The following DOCK3 variants were observed in gnomAD, a reference collection of about 807,000 sequenced individuals.
DOCK3 encodes the protein dedicator of cytokinesis 3.
A neutral mutation model predicts 265.6 loss-of-function variants in DOCK3; 60 were observed. The ratio of observed to expected loss-of-function variants is 0.23; its 90% confidence interval spans 0.18 to 0.28. DOCK3 has a LOEUF of 0.28. DOCK3 is among the 10% of genes least tolerant of loss of function. The pLI, the probability that DOCK3 is intolerant of heterozygous loss-of-function variation, is 1.00. For missense variants in DOCK3, 1,981 were observed against 2,594.3 expected (o/e 0.76, Z 5.14); for synonymous variants, 881 against 938.0 (o/e 0.94, Z 1.11).
intron 5 of DOCK3, among the ~76,000 whole-genome samples, chr3:50,978,688 T>G (rs1358977469): frequency 6.6e-6 from 1 of 152,170 alleles, no homozygotes; most frequent in Admixed American, 6.5e-5. Flanking sequence ...TGGAGCTTCT[T>G]GGCTGCTTTG....
At chr3:50,775,065 T>A (rs886691039) in intron 1 of DOCK3, among the ~76,000 whole-genome samples, 7 of 152,088 alleles carry the variant, frequency 4.6e-5, no homozygotes, top group East Asian at 3.8e-4. Context: ...TGTATTTTTT[T>A]AAAAAATGTT....
rs146694620 is a variant in DOCK3 at position 50,698,381 on chromosome 3, A to G, written c.37+23081A>G. Among the ~76,000 whole-genome samples, 851 of 152,138 alleles carry G rather than the reference A, an allele frequency of 5.6e-3. 9 individuals are homozygous for G. Among genetic ancestry groups the G allele is most frequent in the African/African-American group, 0.018 (744 of 41,506 alleles). On this transcript the variant is annotated intron_variant, in intron 1 of 52. Coordinates refer to ENST00000266037, the MANE Select transcript of DOCK3 (RefSeq NM_004947.5). ...CCTTTTTATGGCTGAATAATATTCT[A>G]TTATATGGATATACTATATTTGTCC...
At chr3:51,250,001 G>A (rs2079113250) in intron 22 of DOCK3, among the ~76,000 whole-genome samples, 1 of 151,914 alleles carries the variant, frequency 6.6e-6, no homozygotes, top group Admixed American at 6.6e-5. Flanking sequence ...TCTGAAACGT[G>A]CTGTGTCCAC....
At chr3:51,021,266 C>A (rs1282841305) in intron 5 of DOCK3, among the ~76,000 whole-genome samples, 1 of 149,890 alleles carries the variant, frequency 6.7e-6, no homozygotes, top group East Asian at 1.9e-4. Flanking sequence ...AGAAGATCAA[C>A]CCCAAGACAC....
chr3:50,717,867 C>T (rs192642329), intron 1 of DOCK3, among the ~76,000 whole-genome samples: 15 of 152,262 alleles, frequency 9.9e-5, no homozygotes, highest in Non-Finnish European at 1.5e-4. Flanking sequence ...TCAAGTGATC[C>T]GCCCACTTCA....
chr3:51,221,648 A>C (rs995543), intron 14 of DOCK3, among the ~76,000 whole-genome samples: 125,122 of 152,128 alleles, frequency 0.82, 52,054 homozygotes, highest in Middle Eastern at 0.9. Flanking sequence ...CTTATAAAAA[A>C]AAACTCAAAT....
intron 1 of DOCK3, among the ~76,000 whole-genome samples, chr3:50,773,612 A>G (rs1349604556): frequency 6.6e-6 from 1 of 152,104 alleles, no homozygotes; most frequent in Non-Finnish European, 1.5e-5. Flanking sequence ...TTAACGAGTA[A>G]AAGAACTGCT....
intron 5 of DOCK3, among the ~76,000 whole-genome samples, chr3:51,003,134 G>A (rs922892375): frequency 6.6e-6 from 1 of 152,174 alleles, no homozygotes; most frequent in African/African-American, 2.4e-5. Flanking sequence ...TCTTTTCAGT[G>A]CTTTGCATTT....
intron 9 of DOCK3, among the ~76,000 whole-genome samples, chr3:51,110,084 A>G (rs553734249): frequency 6.6e-6 from 1 of 152,328 alleles, no homozygotes; most frequent in South Asian, 2.1e-4. Context: ...ATTCCTGGGT[A>G]CATACACCCT....
chr3:51,126,729 AG>A (rs1396105991), intron 9 of DOCK3, among the ~76,000 whole-genome samples: 1 of 152,156 alleles, frequency 6.6e-6, no homozygotes, highest in Non-Finnish European at 1.5e-5. Context: ...CACCACATTA[AG>A]CTACCATTTA....
chr3:50,801,067 C>T (rs566702410), intron 2 of DOCK3, among the ~76,000 whole-genome samples: 9 of 152,114 alleles, frequency 5.9e-5, no homozygotes, highest in South Asian at 2.1e-4. Flanking sequence ...GTTTCAGTGT[C>T]GTAAAAGAAA....
rs571597594 is a variant in DOCK3, at chr3:51,006,671, C to T, written c.316-57777C>T. On this transcript the variant is annotated intron_variant, in intron 5 of 52. Transcript: ENST00000266037. ...TAAGTTCTAGGGTACACATGCACGACGTGCAGGTTTGTTACATATGTATAC... is the reference window on the plus strand; with the variant it reads ...TAAGTTCTAGGGTACACATGCACGATGTGCAGGTTTGTTACATATGTATAC... Among the ~76,000 whole-genome samples, 55 of 152,194 alleles carry T rather than the reference C, an allele frequency of 3.6e-4. 1 individual carries two copies. The highest frequency in any genetic ancestry group is 3.5e-3 in the East Asian group (18 of 5,170).
intron 28 of DOCK3, among the ~76,000 whole-genome samples, chr3:51,311,799 G>A (rs900213669): frequency 2.6e-5 from 4 of 152,224 alleles, no homozygotes; most frequent in Non-Finnish European, 4.4e-5. Context: ...CCTGCCAACT[G>A]TGGGGCATTT....
At chr3:51,265,571 A>G (rs183027704) in intron 23 of DOCK3, among the ~76,000 whole-genome samples, 35 of 152,358 alleles carry the variant, frequency 2.3e-4, no homozygotes, top group Admixed American at 4.6e-4. Flanking sequence ...AATGTAATCC[A>G]TCACATAAAC....
chr3:50,915,212 G>A (rs1175042855), intron 4 of DOCK3, among the ~76,000 whole-genome samples: 1 of 151,956 alleles, frequency 6.6e-6, no homozygotes, highest in Non-Finnish European at 1.5e-5. Flanking sequence ...CTGCAGTTTG[G>A]CATCCCCAAT....
chr3:51,015,129 T>A (rs951580556), intron 5 of DOCK3, among the ~76,000 whole-genome samples: 1 of 152,118 alleles, frequency 6.6e-6, no homozygotes, highest in Admixed American at 6.5e-5. Flanking sequence ...TTTCTTTATC[T>A]CTGGTCTAAT....
chr3:50,938,884 C>G (rs572039681), intron 5 of DOCK3, among the ~76,000 whole-genome samples: 50 of 148,974 alleles, frequency 3.4e-4, no homozygotes, highest in Non-Finnish European at 5.9e-4. Flanking sequence ...CAGTGAGACT[C>G]TGTAAAAAAA....
intron 14 of DOCK3, among the ~76,000 whole-genome samples, chr3:51,223,580 C>T (rs2090194576): frequency 6.6e-6 from 1 of 152,146 alleles, no homozygotes; most frequent in Non-Finnish European, 1.5e-5. Context: ...CTAGACTATT[C>T]ACCTTGTGCT....
intron 27 of DOCK3, among the ~76,000 whole-genome samples, chr3:51,280,673 C>T (rs1229779397): frequency 1.3e-5 from 2 of 152,136 alleles, no homozygotes; most frequent in East Asian, 3.8e-4. Context: ...CTGCCAAACT[C>T]TGGGTCTGGA....
Sources: gnomAD v4.1 joint callset for allele counts (sites outside exome capture counted in the v4.1 genomes callset) on GRCh38, gnomAD v4.1.1 for gene constraint, MANE v1.5 for transcripts, NCBI Gene and HGNC (gene_info 2026-07-23, HGNC 2026-07-21) for gene names.